Variants in GTPBP6 observed in about 807,000 individuals in gnomAD.
The protein encoded by GTPBP6 is putative GTP-binding protein 6.
GTPBP6 carries 33 observed loss-of-function variants against 28.9 expected under a neutral mutation model. The ratio of observed to expected loss-of-function variants is 1.14; its 90% CI spans 0.87 to 1.53. The LOEUF (loss-of-function observed/expected upper bound fraction) is 1.53, where lower values mean the gene tolerates loss of function less well. Ranked by LOEUF, GTPBP6 falls within the 40% of genes most tolerant of loss-of-function variation. GTPBP6 has a pLI of 0.00. For missense variants in GTPBP6, 507 were observed against 408.3 expected, an observed-to-expected ratio of 1.24 and a Z score of -2.08; for synonymous variants, 231 against 192.7, an observed-to-expected ratio of 1.20 and a Z score of -1.65.
At chrX:317,853 C>T (rs1424639326) in intron 1 of GTPBP6, among the ~76,000 whole-genome samples, 3 of 148,216 alleles carry the variant, frequency 2.0e-5, no homozygotes, top group Non-Finnish European at 4.5e-5. Context: ...TGATATCCTC[C>T]CCTCTTCCCC....
intron 9 of GTPBP6, among the ~76,000 whole-genome samples, chrX:306,081 T>G (rs1402476907): frequency 6.6e-6 from 1 of 152,238 alleles, no homozygotes; most frequent in Non-Finnish European, 1.5e-5. Flanking sequence ...GCTTTCTTAT[T>G]GGTAGGGAGA....
intron 2 of GTPBP6, among the ~76,000 whole-genome samples, chrX:316,373 C>A (rs1448992685): frequency 0.11 from 12,634 of 117,004 alleles, 1,133 homozygotes; most frequent in Non-Finnish European, 0.16. Context: ...ACAGGGTGAA[C>A]ACATCCCAGC....
intron 4 of GTPBP6, among the ~76,000 whole-genome samples, chrX:314,502 T>C (rs1190675650): frequency 6.7e-6 from 1 of 148,534 alleles, no homozygotes; most frequent in Non-Finnish European, 1.5e-5. Flanking sequence ...AGACGGAGTC[T>C]CGCTCTGTCA....
At chrX:306,730 A>AT (rs2070175225) in intron 9 of GTPBP6, among the ~76,000 whole-genome samples, 2 of 148,234 alleles carry the variant, frequency 1.3e-5, no homozygotes, top group African/African-American at 2.5e-5. Flanking sequence ...AGAAATGTAC[A>AT]TTTTGGCTGT....
Position 307,935 on chromosome X carries a change from G to C in GTPBP6, c.1126-55C>G, listed in dbSNP as rs762349869. 7 of 1,416,610 alleles carry C rather than the reference G, an allele frequency of 4.9e-6. No individual in the cohort carries two copies. The Admixed American group carries it at 2.1e-4, about 42-fold the overall frequency. 87.8% of individuals were successfully genotyped at this position (1,416,610 alleles called of 1,614,324 possible). On this transcript the variant is annotated intron_variant, in intron 7 of 9. Coordinates refer to ENST00000326153, the Ensembl canonical transcript of GTPBP6. ...CGGAGCCTCTGGTCCCTGACCCCAA[G>C]CTTGCAGACAGGCCCAGGAGAGGGG...
intron 1 of GTPBP6, among the ~76,000 whole-genome samples, chrX:317,366 G>C (rs2070456951): frequency 6.6e-6 from 1 of 152,052 alleles, no homozygotes. Context: ...GGCAGGTTTG[G>C]GGAGTAGAGA....
intron 6 of GTPBP6, chrX:312,041 G>A (rs761754705): frequency 1.5e-5 from 7 of 463,830 alleles, no homozygotes; most frequent in South Asian, 9.1e-5. Flanking sequence ...CGGCAGTGGT[G>A]CCGGTGTTGA....
At chrX:316,150 A>C (rs2070434568) in intron 2 of GTPBP6, among the ~76,000 whole-genome samples, 7 of 71,352 alleles carry the variant, frequency 9.8e-5, no homozygotes, top group African/African-American at 3.4e-4. Flanking sequence ...CACACACAGT[A>C]AATACATCCC....
intron 4 of GTPBP6, among the ~76,000 whole-genome samples, chrX:314,688 G>A (rs2070395491): frequency 6.6e-6 from 1 of 152,010 alleles, no homozygotes; most frequent in South Asian, 2.1e-4. Flanking sequence ...GTGTTGGCCA[G>A]GATGGTCTCG....
At position 313,936 on chromosome X, in the gene GTPBP6, C is replaced by G. The variant is rs867792110; in HGVS notation, c.757+214G>C. Among the ~76,000 whole-genome samples the G allele has an allele frequency of 7.5e-3, 673 of 90,240 alleles. 8 individuals are homozygous for G. Among genetic ancestry groups the G allele is most frequent in the Non-Finnish European group, 0.012 (481 of 38,708 alleles). 59.2% of individuals were successfully genotyped at this position (90,240 alleles called of 152,430 possible). ...TCCAAAAACCACCAGCATCTCCTAT[C>G]TCCTCAAATGCTACCAGACGGAGCC... is the stretch of plus-strand genomic sequence containing the variant. On this transcript the variant is annotated intron_variant, in intron 5 of 9. Transcript: ENST00000326153.
At chrX:307,416 C>T in exon 9 of GTPBP6, 1 of 1,612,662 alleles carries the variant, frequency 6.2e-7, no homozygotes. Context: ...TCCCCGTCGC[C>T]TTCAAAACCG....
chrX:318,677 G>T, exon 1 of GTPBP6: 1 of 393,898 alleles, frequency 2.5e-6, no homozygotes, highest in Admixed American at 4.5e-5. Context: ...GGCCGACAGC[G>T]GCTAGCGCGC....
exon 7 of GTPBP6, chrX:311,550 C>T (rs776350580): frequency 6.8e-6 from 11 of 1,612,174 alleles, no homozygotes; most frequent in South Asian, 2.2e-5. Context: ...TGGGCCGTGA[C>T]GTCCAGCGTG....
At chrX:314,342 G>A (rs1216724391) in intron 4 of GTPBP6, 125 bp from the exon 5 acceptor site, 10 of 785,004 alleles carry the variant, frequency 1.3e-5, no homozygotes, top group Admixed American at 9.9e-5. Flanking sequence ...CGCTGTTGCG[G>A]CCCCGCTCCG....
rs9635648 is a variant in GTPBP6, at chrX:314,138, G to A, written c.757+12C>T. 1.7e-5 allele frequency: 27 copies of A among 1,606,060 alleles called. No homozygotes were observed. The highest frequency in any genetic ancestry group is 2.1e-5 in the Non-Finnish European group (25 of 1,176,070). On this transcript the variant is annotated intron_variant, in intron 5 of 9. Transcript: ENST00000326153. ...GAGGACCCTCTGGGACGCCGCGCCC[G>A]GCCCGAGTTACCTGACCCCATGATG...
chrX:314,122 C>G (rs1481364309), intron 5 of GTPBP6, 28 bp downstream of exon 5: 1 of 1,590,146 alleles, frequency 6.3e-7, no homozygotes, highest in Non-Finnish European at 8.6e-7. Context: ...CGAGGACCCT[C>G]TGGGACGCCG....
In GTPBP6 at chrX:314,889, C is replaced by T; in HGVS notation, c.689+1G>A. 1 of 399,024 alleles carries T rather than the reference C, an allele frequency of 2.5e-6. No individual in the cohort carries two copies. The highest frequency in any genetic ancestry group is 3.6e-5 in the East Asian group (1 of 28,066). The allele number at this position is 399,024 out of a possible 1,614,324, so 24.7% of individuals were successfully genotyped here. On this transcript the variant is annotated splice_donor_variant, in intron 4 of 9. Transcript: ENST00000326153. LOFTEE classifies it high-confidence loss of function. Reference sequence around the variant, plus strand: ...GGCGCGGCCCAGGGGCCCCACGATACCTGTGCAGCGGCATCTCCGCCAGGG... The same window carrying T: ...GGCGCGGCCCAGGGGCCCCACGATATCTGTGCAGCGGCATCTCCGCCAGGG...
chrX:312,912 A>G, exon 6 of GTPBP6: 3 of 1,612,220 alleles, frequency 1.9e-6, no homozygotes, highest in Non-Finnish European at 1.7e-6. Flanking sequence ...CTGCAGCTGC[A>G]TGAAGGATTC....
At chrX:313,938 C>A (rs4074620) in intron 5 of GTPBP6, among the ~76,000 whole-genome samples, 9,606 of 147,458 alleles carry the variant, frequency 0.065, 532 homozygotes, top group African/African-American at 0.093. Context: ...TCTCCTATCT[C>A]CTCAAATGCT....
Sources: allele counts gnomAD v4.1 joint callset (sites outside exome capture counted in the v4.1 genomes callset), GRCh38; gene constraint gnomAD v4.1.1; transcripts MANE v1.5; gene names NCBI Gene and HGNC (gene_info 2026-07-23, HGNC 2026-07-21).